The following GAPDHS variants were observed in gnomAD, a reference collection of about 807,000 sequenced individuals.
GAPDHS encodes the protein glyceraldehyde-3-phosphate dehydrogenase, testis-specific.
Under a neutral mutation model 48.7 loss-of-function variants are expected in GAPDHS, and 42 were observed. The observed-to-expected ratio is 0.86, with a 90% confidence interval of 0.67 to 1.12. GAPDHS has a LOEUF of 1.12. Ranked by LOEUF, GAPDHS falls within the 50% of genes most tolerant of loss-of-function variation. The pLI is 0.00. For missense variants in GAPDHS, 512 were observed against 557.7 expected (o/e 0.92, Z 0.82); for synonymous variants, 166 against 219.1 (o/e 0.76, Z 2.14).
At chr19:35,544,876 G>C in intron 9 of GAPDHS, 33 bp from the exon 10 acceptor site, 1 of 1,361,030 alleles carries the variant, frequency 7.3e-7, no homozygotes, top group Non-Finnish European at 1.1e-6. Flanking sequence ...TTGCTCTGCC[G>C]GACACACTTA....
intron 1 of GAPDHS, 116 bp from the exon 2 acceptor site, chr19:35,536,697 C>G (rs1192485881): frequency 2.5e-6 from 2 of 796,732 alleles, no homozygotes; most frequent in African/African-American, 1.7e-5. Flanking sequence ...AAACACTGGG[C>G]TAAATGGTTG....
intron 6 of GAPDHS, 58 bp from the exon 7 acceptor site, chr19:35,542,887 T>C (rs1415314863): frequency 1.6e-6 from 2 of 1,273,908 alleles, no homozygotes; most frequent in Admixed American, 1.7e-5. Flanking sequence ...GGGGTAAGGG[T>C]GGAGGGGTGG....
chr19:35,536,822 C>T lies in GAPDHS; in HGVS notation c.77C>T (p.Ala26Val). Reference sequence around the variant, plus strand: ...CCCTTCCCCCGCATAGTGACCAGAGCACCGCCCCCACCTGAGCCTAAGGCT... The same window carrying T: ...CCCTTCCCCCGCATAGTGACCAGAGTACCGCCCCCACCTGAGCCTAAGGCT... ...LLRQPCPVTR[A>V]PPPPEPKAEV... The change falls in exon 2 of 11, where the codon GCA becomes GTA. Residue 26 changes from alanine to valine, a missense_variant. Coordinates refer to ENST00000222286, the MANE Select transcript of GAPDHS (RefSeq NM_014364.5). 1.9e-6 allele frequency: 3 copies of T among 1,609,828 alleles called. No homozygotes were observed. In the East Asian group the frequency reaches 6.7e-5, roughly 36 times the overall value.
chr19:35,543,750 T>A lies in GAPDHS; in HGVS notation c.979T>A (p.Tyr327Asn). 1 of 1,613,938 alleles carries A rather than the reference T, an allele frequency of 6.2e-7. No homozygotes were observed. Among genetic ancestry groups the A allele is most frequent in the Non-Finnish European group, 8.5e-7 (1 of 1,179,980 alleles). ...LTCRLAQPAP[Y>N]SAIKEAVKAA... The stretch of plus-strand genomic sequence containing the variant: ...CTGCCGCCTCGCCCAGCCTGCCCCC[T>A]ACTCAGCCATCAAGGAGGCTGTAAA... Residue 327 changes from tyrosine (Y) to asparagine (N), a missense_variant, in exon 9 of 11, where the codon TAC (tyrosine) becomes AAC (asparagine). Transcript: ENST00000222286.
At chr19:35,539,826 T>C (rs753904859) in intron 4 of GAPDHS, among the ~76,000 whole-genome samples, 10 of 152,118 alleles carry the variant, frequency 6.6e-5, no homozygotes, top group Non-Finnish European at 1.3e-4. Context: ...TCCAGCACCA[T>C]AGTTATCACG....
chr19:35,534,562 T>C (rs2071453321), intron 1 of GAPDHS, among the ~76,000 whole-genome samples: 1 of 151,688 alleles, frequency 6.6e-6, no homozygotes, highest in South Asian at 2.1e-4. Context: ...ACCCCTACAG[T>C]GGAGGGGAAG....
intron 1 of GAPDHS, 75 bp from the exon 2 acceptor site, chr19:35,536,738 T>C: frequency 7.8e-7 from 1 of 1,287,610 alleles, no homozygotes; most frequent in South Asian, 1.4e-5. Flanking sequence ...AGCAACAGAT[T>C]CTGGGCAGCA....
At chr19:35,534,132 G>A (rs1600128543) in intron 1 of GAPDHS, among the ~76,000 whole-genome samples, 1 of 152,178 alleles carries the variant, frequency 6.6e-6, no homozygotes, top group Admixed American at 6.5e-5. Context: ...GGCCAACAGA[G>A]GTTAAGAGAG....
chr19:35,538,306 G>T lies in GAPDHS; in HGVS notation c.246-1G>T. On this transcript the variant is annotated splice_acceptor_variant, in intron 2 of 10. Transcript: ENST00000222286. LOFTEE classifies it high-confidence loss of function. ...ATCCCTTCCTGTCTGTCCCTGGCCA[G>T]ATTTGGACGCATCGGTCGCCTGGTC... The T allele has an allele frequency of 1.2e-6, 2 of 1,611,248 alleles. No homozygotes were observed. The highest frequency in any genetic ancestry group is 1.7e-6 in the Non-Finnish European group (2 of 1,177,818).
At chr19:35,540,613 C>T (rs537837310) in intron 4 of GAPDHS, 1 of 152,304 alleles carries the variant, frequency 6.6e-6, no homozygotes, top group Non-Finnish European at 1.5e-5. Context: ...GCAGTGGAAA[C>T]AGGAGTGCAG....
chr19:35,535,477 T>A (rs62113964), intron 1 of GAPDHS, among the ~76,000 whole-genome samples: 12 of 150,448 alleles, frequency 8.0e-5, no homozygotes, highest in Non-Finnish European at 1.5e-4. Context: ...CTCCGCCTCC[T>A]GGGTTCAAGC....
At position 35,538,646 on chromosome 19, in the gene GAPDHS, C is replaced by T. The variant is rs2071481641; in HGVS notation, c.412C>T (p.Leu138=). 1.9e-6 allele frequency: 3 copies of T among 1,610,112 alleles called. No homozygotes were observed. The change falls in exon 4 of 11, where the codon CTG becomes TTG. Residue 138 remains leucine (L), a synonymous_variant. Coordinates refer to ENST00000222286, the MANE Select transcript of GAPDHS (RefSeq NM_014364.5). The stretch of plus-strand genomic sequence containing the variant: ...AAGTGTGGAATTCAGGAATGGACAA[C>T]TGGTCGTGGACAACCATGAGATCTC... ...KGSVEFRNGQ[L]VVDNHEISVY...
chr19:35,536,783 G>C (rs1197577554), intron 1 of GAPDHS, 30 bp from the exon 2 acceptor site: 1 of 1,551,230 alleles, frequency 6.4e-7, no homozygotes, highest in South Asian at 1.2e-5. Context: ...TGGTGGTCAT[G>C]CAACCCATTC....
chr19:35,542,802 G>C (rs531521148), intron 6 of GAPDHS, 143 bp from the exon 7 acceptor site: 1 of 750,812 alleles, frequency 1.3e-6, no homozygotes, highest in East Asian at 2.5e-5. Flanking sequence ...CCTTCAGTCT[G>C]ACAGTGTCCC....
At position 35,537,801 on chromosome 19, in the gene GAPDHS, G is replaced by A. The variant is rs137855513; in HGVS notation, c.246-506G>A. ...TAAGAATAGGGGTTAGGAGCCAGGC[G>A]CAGTGGCTCACGCCTGTAATCCCAG... On this transcript the variant is annotated intron_variant, in intron 2 of 10. Coordinates refer to ENST00000222286, the MANE Select transcript of GAPDHS (RefSeq NM_014364.5). Among the ~76,000 whole-genome samples the A allele has an allele frequency of 4.2e-3, 633 of 152,172 alleles. 15 individuals carry two copies. Among genetic ancestry groups the A allele is most frequent in the Admixed American group, 0.04 (604 of 15,284 alleles).
rs757245394 is a variant in GAPDHS at position 35,545,212 on chromosome 19, G to C, written c.*42G>C. On this transcript the variant is annotated 3_prime_UTR_variant, in exon 11 of 11. Transcript: ENST00000222286. ...CTTTCCTTCCCAGGGGCCGGGGCCG[G>C]AACATGTGCCTCCCGTTCCAGCATC... is the stretch of plus-strand genomic sequence containing the variant. 1.3e-6 allele frequency: 2 copies of C among 1,530,444 alleles called. No homozygotes were observed. The highest frequency in any genetic ancestry group is 2.7e-5 in the African/African-American group (2 of 73,286). 94.8% of individuals were successfully genotyped at this position (1,530,444 alleles called of 1,614,324 possible). A position where few individuals can be genotyped will look rare whatever the true frequency, so the allele number is the denominator to read the frequency against.
At chr19:35,536,593 G>A (rs760211282) in intron 1 of GAPDHS, among the ~76,000 whole-genome samples, 7 of 151,760 alleles carry the variant, frequency 4.6e-5, no homozygotes, top group Admixed American at 2.6e-4. Context: ...AAAAAACAAC[G>A]GAAGTACATA....
intron 4 of GAPDHS, chr19:35,542,115 G>A (rs1429735151): frequency 3.4e-6 from 2 of 588,806 alleles, no homozygotes; most frequent in Non-Finnish European, 6.1e-6. Context: ...TCAGCAAAGG[G>A]AAAGTGGTCT....
intron 1 of GAPDHS, among the ~76,000 whole-genome samples, chr19:35,536,094 A>AT (rs968372226): frequency 2.6e-5 from 4 of 152,144 alleles, no homozygotes; most frequent in Admixed American, 1.3e-4. Context: ...TAAATCAATT[A>AT]TTGGACAAAT....
Sources: gnomAD v4.1 joint callset for allele counts (sites outside exome capture counted in the v4.1 genomes callset) on GRCh38, gnomAD v4.1.1 for gene constraint, MANE v1.5 for transcripts, NCBI Gene and HGNC (gene_info 2026-07-23, HGNC 2026-07-21) for gene names.